The following WWOX variants were observed in gnomAD, a reference collection of about 807,000 sequenced individuals.
The protein encoded by WWOX is WW domain containing oxidoreductase.
WWOX carries 69 observed loss-of-function variants against 46.2 expected under a neutral mutation model. That is an observed-to-expected ratio of 1.49 (90% CI 1.23 to 1.82). WWOX has a LOEUF of 1.82. WWOX is among the 40% of genes most tolerant of loss of function. WWOX has a pLI of 0.00. For missense variants in WWOX, 919 were observed against 542.6 expected (o/e 1.69, Z -6.89); for synonymous variants, 359 against 202.6 (o/e 1.77, Z -6.56).
chr16:78,180,720 A>G (rs1251866359), intron 5 of WWOX, among the ~76,000 whole-genome samples: 1 of 151,292 alleles, frequency 6.6e-6, no homozygotes, highest in Non-Finnish European at 1.5e-5. Flanking sequence ...CATCTGAGAT[A>G]TGGGGTATAC....
chr16:78,757,772 T>C (rs1469893080), intron 8 of WWOX, among the ~76,000 whole-genome samples: 1 of 152,006 alleles, frequency 6.6e-6, no homozygotes, highest in Non-Finnish European at 1.5e-5. Flanking sequence ...GATTGACAGA[T>C]AGCGACCTTC....
chr16:78,426,326 G>A (rs114221864), intron 7 of WWOX, among the ~76,000 whole-genome samples: 1,699 of 152,268 alleles, frequency 0.011, 24 homozygotes, highest in African/African-American at 0.039. Context: ...CAGATGTGGA[G>A]GGCACCACGG....
intron 8 of WWOX, among the ~76,000 whole-genome samples, chr16:78,725,429 A>T (rs1319467256): frequency 7.3e-6 from 1 of 136,268 alleles, no homozygotes; most frequent in Non-Finnish European, 1.5e-5. Context: ...CTCCCTGCAA[A>T]CTCCACTTCC....
chr16:78,672,800 T>C (rs765978206), intron 8 of WWOX, among the ~76,000 whole-genome samples: 9 of 152,226 alleles, frequency 5.9e-5, no homozygotes, highest in Non-Finnish European at 2.9e-5. Flanking sequence ...GAGTTTCCAA[T>C]GATAACAGCC....
At chr16:79,198,789 C>T (rs372290006) in intron 8 of WWOX, among the ~76,000 whole-genome samples, 6 of 152,250 alleles carry the variant, frequency 3.9e-5, no homozygotes, top group East Asian at 1.9e-4. Flanking sequence ...AAATAGTACC[C>T]ATCAAACACT....
chr16:78,288,317 AC>A (rs1381403175), intron 5 of WWOX, among the ~76,000 whole-genome samples: 1 of 145,236 alleles, frequency 6.9e-6, no homozygotes, highest in African/African-American at 2.6e-5. Context: ...GAAATTCATT[AC>A]CAAGTGATAG....
chr16:78,837,201 G>C (rs2052010634), intron 8 of WWOX, among the ~76,000 whole-genome samples: 1 of 152,192 alleles, frequency 6.6e-6, no homozygotes, highest in Admixed American at 6.5e-5. Context: ...ATAACTGCTA[G>C]GCTGAACCAG....
rs75987372 is a variant in WWOX, at chr16:78,725,055, A to G, written c.1056+292303A>G. On this transcript the variant is annotated intron_variant, in intron 8 of 8. Transcript: ENST00000566780. ...TCCCATAATTCCCATATGTTGTGGGAGGGACCGGGTGGGAGAATATTGAAT... is the reference window on the plus strand; with the variant it reads ...TCCCATAATTCCCATATGTTGTGGGGGGGACCGGGTGGGAGAATATTGAAT... Among the ~76,000 whole-genome samples the G allele has an allele frequency of 6.2e-3, 946 of 152,168 alleles. 7 individuals carry two copies. The highest frequency in any genetic ancestry group is 0.011 in the Non-Finnish European group (757 of 67,992).
At chr16:78,710,486 A>ATATATATATATATATATT (rs1303049001) in intron 8 of WWOX, among the ~76,000 whole-genome samples, 5 of 127,308 alleles carry the variant, frequency 3.9e-5, no homozygotes, top group Non-Finnish European at 8.3e-5. Flanking sequence ...ATATATATAT[A>ATATATATATATATATATT]TATATATATA....
chr16:78,631,072 A>T (rs978540632), intron 8 of WWOX, among the ~76,000 whole-genome samples: 4 of 152,178 alleles, frequency 2.6e-5, no homozygotes, highest in Non-Finnish European at 5.9e-5. Context: ...TCTAGAGATG[A>T]TTTAAAGTGT....
At chr16:79,160,461 C>A (rs546774976) in intron 8 of WWOX, among the ~76,000 whole-genome samples, 26 of 151,988 alleles carry the variant, frequency 1.7e-4, no homozygotes, top group African/African-American at 5.6e-4. Flanking sequence ...TCAGATGAAC[C>A]CTCGATATTA....
intron 8 of WWOX, among the ~76,000 whole-genome samples, chr16:78,506,158 G>C (rs187487613): frequency 6.6e-6 from 1 of 152,188 alleles, no homozygotes; most frequent in Non-Finnish European, 1.5e-5. Context: ...TTCTGTGGAC[G>C]TGAAAAGACT....
At chr16:78,590,891 T>C (rs1464343172) in intron 8 of WWOX, among the ~76,000 whole-genome samples, 8 of 152,202 alleles carry the variant, frequency 5.3e-5, no homozygotes, top group Admixed American at 5.2e-4. Context: ...CAACACCAGC[T>C]GCTACAAAGG....
In WWOX at chr16:78,751,459, TTTTA is replaced by T. The variant is rs1158354660; in HGVS notation, c.1056+318709_1056+318712del. Among the ~76,000 whole-genome samples the T allele has an allele frequency of 9.5e-3, 596 of 62,554 alleles. 6 individuals are homozygous for T. Among genetic ancestry groups the T allele is most frequent in the African/African-American group, 0.033 (514 of 15,522 alleles). The allele number at this position is 62,554 out of a possible 152,430, so 41.0% of individuals were successfully genotyped here. On this transcript the variant is annotated intron_variant, in intron 8 of 8. Coordinates refer to ENST00000566780, the MANE Select transcript of WWOX (RefSeq NM_016373.4). Reference sequence around the variant, plus strand: ...TCAGATTATATATATATTTATCAGATTTTATATATATATATATATATATATATAT... The same window carrying T: ...TCAGATTATATATATATTTATCAGATTATATATATATATATATATATATAT...
At chr16:79,134,885 T>C (rs2049953621) in intron 8 of WWOX, among the ~76,000 whole-genome samples, 1 of 152,206 alleles carries the variant, frequency 6.6e-6, no homozygotes, top group Non-Finnish European at 1.5e-5. Flanking sequence ...GCATTCCCAC[T>C]GGAAGGTGTT....
At chr16:79,030,387 C>G (rs796296369) in intron 8 of WWOX, among the ~76,000 whole-genome samples, 10 of 152,316 alleles carry the variant, frequency 6.6e-5, no homozygotes, top group African/African-American at 2.4e-4. Flanking sequence ...CAAGACTACC[C>G]AGCACTTCAG....
chr16:78,427,009 A>G (rs1359905430), intron 7 of WWOX, among the ~76,000 whole-genome samples: 1 of 152,186 alleles, frequency 6.6e-6, no homozygotes, highest in Non-Finnish European at 1.5e-5. Flanking sequence ...CAATTTCCCC[A>G]GGCTGGCTTG....
chr16:78,441,863 A>G (rs2083451806), intron 8 of WWOX, among the ~76,000 whole-genome samples: 1 of 152,022 alleles, frequency 6.6e-6, no homozygotes, highest in East Asian at 1.9e-4. Context: ...TTCAGAATAT[A>G]CTAGATACTC....
At chr16:79,086,519 AAATTCTAAAGTAATG>A (rs1364167817) in intron 8 of WWOX, among the ~76,000 whole-genome samples, 1 of 152,212 alleles carries the variant, frequency 6.6e-6, no homozygotes, top group Non-Finnish European at 1.5e-5. Flanking sequence ...AGTACTATCC[AAATTCTAAAGTAATG>A]AATGCTTCTC....
Sources: allele counts gnomAD v4.1 joint callset (sites outside exome capture counted in the v4.1 genomes callset), GRCh38; gene constraint gnomAD v4.1.1; transcripts MANE v1.5; gene names NCBI Gene and HGNC (gene_info 2026-07-23, HGNC 2026-07-21).